Variants in CRY2 observed in about 807,000 individuals in gnomAD.
CRY2 encodes the protein cryptochrome circadian regulator 2.
Under a neutral mutation model 69.5 loss-of-function variants are expected in CRY2, and 31 were observed. That is an observed-to-expected ratio of 0.45 (90% confidence interval 0.34 to 0.60). CRY2 has a LOEUF of 0.60. Ranked by LOEUF, CRY2 falls within the 20% of genes least tolerant of loss-of-function variation. The pLI, the probability that CRY2 is intolerant of heterozygous loss-of-function variation, is 0.02. For synonymous variants in CRY2, 303 were observed against 312.2 expected, an observed-to-expected ratio of 0.97 and a Z score of 0.31; for missense variants, 606 against 797.8, an observed-to-expected ratio of 0.76 and a Z score of 2.90.
intron 1 of CRY2, among the ~76,000 whole-genome samples, chr11:45,851,619 T>C (rs1197565896): frequency 6.6e-6 from 1 of 152,178 alleles, no homozygotes. Context: ...TCTTTCTCTT[T>C]GAAATTAGGA....
At position 45,882,526 on chromosome 11, in the gene CRY2, C is replaced by G; in HGVS notation, c.*1615C>G. 2 of 398,570 alleles carry G rather than the reference C, an allele frequency of 5.0e-6. No homozygotes were observed. Among genetic ancestry groups the G allele is most frequent in the Non-Finnish European group, 8.9e-6 (2 of 225,988 alleles). The allele number at this position is 398,570 out of a possible 1,614,324, so 24.7% of individuals were successfully genotyped here. On this transcript the variant is annotated 3_prime_UTR_variant, in exon 12 of 12. Transcript: ENST00000616080. ...TGTCCATCACACTGACAGGCTTCTT[C>G]CTGAGATATCCTCAGGTTTTCTCAG...
chr11:45,860,840 C>T lies in CRY2; in HGVS notation c.468-8C>T, dbSNP rs2086281750. ...TGGGTAACACTAGCTATGCTTTGGG[C>T]TCCCCAGGATCATTGAGCTGAATGG... On this transcript the variant is annotated splice_polypyrimidine_tract_variant and splice_region_variant and intron_variant, in intron 3 of 11. Transcript: ENST00000616080. 1 of 1,613,108 alleles carries T rather than the reference C, an allele frequency of 6.2e-7. No individual in the cohort carries two copies. The highest frequency in any genetic ancestry group is 1.3e-5 in the African/African-American group (1 of 74,922).
At chr11:45,853,841 A>T (rs7951225) in intron 1 of CRY2, among the ~76,000 whole-genome samples, 94,942 of 152,208 alleles carry the variant, frequency 0.62, 33,560 homozygotes, top group Non-Finnish European at 0.8. Flanking sequence ...TCTGGAGGTG[A>T]CAATTTTTCA....
chr11:45,866,428 A>C (rs2086331121), intron 5 of CRY2, among the ~76,000 whole-genome samples: 1 of 152,236 alleles, frequency 6.6e-6, no homozygotes, highest in Admixed American at 6.5e-5. Flanking sequence ...AGCGCCAGGC[A>C]GCTGGGAGAT....
rs770478503 is a variant in CRY2, at chr11:45,855,988, A to G, written c.222A>G (p.Leu74=). The G allele has an allele frequency of 1.9e-6, 3 of 1,613,868 alleles. No individual in the cohort carries two copies. The highest frequency in any genetic ancestry group is 3.3e-5 in the Admixed American group (2 of 60,030). Residue 74 remains leucine, a synonymous_variant, in exon 2 of 12, where the codon CTA becomes CTG. Coordinates refer to ENST00000616080, the MANE Select transcript of CRY2 (RefSeq NM_021117.5). Reference sequence around the variant, plus strand: ...GCCTGTGTGGACTCCACAGGTTCCTACTTCAGTCTCTGGAAGATTTGGACA... The same window carrying G: ...GCCTGTGTGGACTCCACAGGTTCCTGCTTCAGTCTCTGGAAGATTTGGACA... ...SSVGINRWRF[L]LQSLEDLDTS...
chr11:45,878,331 C>T lies in CRY2; in HGVS notation c.*3-2583C>T, dbSNP rs145453356. ...ATCTTCATGCACTCTTTATCTTCCC[C>T]CATCCCTGAAAATGGATAAAACACA... On this transcript the variant is annotated intron_variant, in intron 11 of 11. Transcript: ENST00000616080. Among the ~76,000 whole-genome samples, 113 of 152,284 alleles carry T rather than the reference C, an allele frequency of 7.4e-4. 1 individual carries two copies. Among genetic ancestry groups the T allele is most frequent in the Middle Eastern group, 3.4e-3 (1 of 294 alleles).
At chr11:45,868,368 C>CA (rs778177976) in intron 6 of CRY2, among the ~76,000 whole-genome samples, 2 of 152,234 alleles carry the variant, frequency 1.3e-5, no homozygotes, top group Non-Finnish European at 2.9e-5. Context: ...ATTTAAGAGA[C>CA]AAAGTCTAGC....
intron 11 of CRY2, among the ~76,000 whole-genome samples, chr11:45,879,847 T>G (rs1037240539): frequency 3.9e-5 from 6 of 152,240 alleles, no homozygotes; most frequent in Non-Finnish European, 8.8e-5. Flanking sequence ...AGGGTTGGCT[T>G]CTTTTCTTCT....
In CRY2 at chr11:45,858,769, T is replaced by G. The variant is rs780049630; in HGVS notation, c.363T>G (p.Ser121=). The change falls in exon 3 of 12, where the codon TCT becomes TCG. Residue 121 remains serine (S), a synonymous_variant. Coordinates refer to ENST00000616080, the MANE Select transcript of CRY2 (RefSeq NM_021117.5). ...CCCGCTTGACCTTTGAATATGACTC[T>G]GAACCCTTTGGGAAAGAACGGGATG... is the stretch of plus-strand genomic sequence containing the variant. ...GVTRLTFEYD[S]EPFGKERDAA... The G allele has an allele frequency of 6.2e-7, 1 of 1,614,170 alleles. No individual in the cohort carries two copies. Among genetic ancestry groups the G allele is most frequent in the Non-Finnish European group, 8.5e-7 (1 of 1,180,026 alleles).
chr11:45,847,242 T>G (rs535208961), upstream of CRY2: 2 of 1,551,252 alleles, frequency 1.3e-6, no homozygotes, highest in East Asian at 4.9e-5. Flanking sequence ...CCTGCGTCAC[T>G]TGTCCGCATG....
At chr11:45,867,795 G>T (rs1225617492) in intron 6 of CRY2, 43 bp downstream of exon 6, 1 of 1,612,258 alleles carries the variant, frequency 6.2e-7, no homozygotes, top group East Asian at 2.2e-5. Context: ...AAGGCCTGCA[G>T]CCAGGCCTTT....
Position 45,869,544 on chromosome 11 carries a change from G to A in CRY2, c.921G>A (p.Gly307=). ...RNSTPPLSLF[G]QLLWREFFYT... ...GCACACCTCCCCTCTCCCTATTTGG[G>A]CAACTCCTATGGCGAGAGTTCTTCT... Residue 307 remains glycine (G), a synonymous_variant, in exon 7 of 12, where the codon GGG becomes GGA. Transcript: ENST00000616080. The A allele has an allele frequency of 6.2e-7, 1 of 1,613,866 alleles. No homozygotes were observed. Among genetic ancestry groups the A allele is most frequent in the Non-Finnish European group, 8.5e-7 (1 of 1,179,868 alleles).
At chr11:45,848,756 A>G (rs2086172047) in intron 1 of CRY2, among the ~76,000 whole-genome samples, 1 of 152,146 alleles carries the variant, frequency 6.6e-6, no homozygotes, top group African/African-American at 2.4e-5. Flanking sequence ...GCATCGATGG[A>G]CAGGGTTATT....
At chr11:45,854,551 G>A (rs2086224430) in intron 1 of CRY2, among the ~76,000 whole-genome samples, 4 of 152,146 alleles carry the variant, frequency 2.6e-5, no homozygotes, top group Admixed American at 2.6e-4. Flanking sequence ...TTAATTGGGT[G>A]TGGTGCACAT....
chr11:45,854,011 C>T (rs2086218466), intron 1 of CRY2, among the ~76,000 whole-genome samples: 1 of 152,188 alleles, frequency 6.6e-6, no homozygotes, highest in Non-Finnish European at 1.5e-5. Context: ...GAATGTGGGT[C>T]GGTGGCATTG....
chr11:45,878,263 T>C (rs1450259143), intron 11 of CRY2, among the ~76,000 whole-genome samples: 1 of 152,220 alleles, frequency 6.6e-6, no homozygotes, highest in African/African-American at 2.4e-5. Flanking sequence ...CTTGGGCTCC[T>C]TAAGGCCCAG....
intron 6 of CRY2, 26 bp from the exon 7 acceptor site, chr11:45,869,480 A>C (rs769319732): frequency 5.7e-6 from 9 of 1,583,570 alleles, no homozygotes; most frequent in Non-Finnish European, 7.7e-6. Flanking sequence ...GAGTGTTTGT[A>C]TCCATGTGCC....
intron 11 of CRY2, 52 bp downstream of exon 11, chr11:45,872,285 G>T (rs1410521760): frequency 7.1e-6 from 11 of 1,542,566 alleles, no homozygotes; most frequent in Non-Finnish European, 9.8e-6. Flanking sequence ...GGGAGTGGGG[G>T]GGCCTACTGC....
intron 5 of CRY2, among the ~76,000 whole-genome samples, chr11:45,862,843 C>T (rs2086299256): frequency 6.6e-6 from 1 of 152,202 alleles, no homozygotes. Context: ...GCCTCAGAGG[C>T]ACAGTGTCAC....
Sources: gnomAD v4.1 joint callset for allele counts (sites outside exome capture counted in the v4.1 genomes callset) on GRCh38, gnomAD v4.1.1 for gene constraint, MANE v1.5 for transcripts, NCBI Gene and HGNC (gene_info 2026-07-23, HGNC 2026-07-21) for gene names.